NR6A1: variants seen among roughly 807,000 people sequenced by gnomAD.
The protein encoded by NR6A1 is nuclear receptor subfamily 6 group A member 1.
A neutral mutation model predicts 59.1 loss-of-function variants in NR6A1; 7 were observed. That is an observed-to-expected ratio of 0.12 (90% CI 0.07 to 0.22). The LOEUF (loss-of-function observed/expected upper bound fraction) is 0.22. Among genes scored for constraint, NR6A1 ranks in the 10% least tolerant of loss-of-function variants. NR6A1 has a pLI of 1.00. For missense variants in NR6A1, 468 were observed against 611.6 expected (o/e 0.77, Z 2.48); for synonymous variants, 243 against 236.1 (o/e 1.03, Z -0.27).
Position 124,639,708 on chromosome 9 carries a change from C to T in NR6A1, c.143-85138G>A, listed in dbSNP as rs113754451. ...GGGAAGAGTCTTTCAAGGAGGAGGGCAAATGGATCAATTATCAAATGCTGC... is the reference window on the plus strand; with the variant it reads ...GGGAAGAGTCTTTCAAGGAGGAGGGTAAATGGATCAATTATCAAATGCTGC... On this transcript the variant is annotated intron_variant, in intron 2 of 9. Transcript: ENST00000487099. 6.2e-3 allele frequency among the ~76,000 whole-genome samples: 943 copies of T among 152,186 alleles called. 2 individuals are homozygous for T. Among genetic ancestry groups the T allele is most frequent in the Non-Finnish European group, 0.01 (694 of 67,996 alleles).
At chr9:124,592,393 A>T (rs1226034146) in intron 2 of NR6A1, among the ~76,000 whole-genome samples, 1 of 152,236 alleles carries the variant, frequency 6.6e-6, no homozygotes, top group Non-Finnish European at 1.5e-5. Context: ...TGTCCATTAA[A>T]ATAATCGATT....
At chr9:124,712,073 G>A (rs969604544) in intron 2 of NR6A1, among the ~76,000 whole-genome samples, 2 of 151,960 alleles carry the variant, frequency 1.3e-5, no homozygotes, top group African/African-American at 2.4e-5. Context: ...CTTTGGTTAG[G>A]GCCTGTTGCC....
Position 124,542,125 on chromosome 9 carries a change from G to A in NR6A1, c.441+1677C>T, listed in dbSNP as rs193291135. Among the ~76,000 whole-genome samples the A allele has an allele frequency of 5.5e-3, 841 of 152,310 alleles. 4 individuals are homozygous for A. The highest frequency in any genetic ancestry group is 8.7e-3 in the Non-Finnish European group (595 of 68,030). On this transcript the variant is annotated intron_variant, in intron 4 of 9. Transcript: ENST00000487099. Reference sequence around the variant, plus strand: ...GAGTGTGTATATAGTTAACAACACTGTACTGTATAATTAAAATTTTGTTCA... The same window carrying A: ...GAGTGTGTATATAGTTAACAACACTATACTGTATAATTAAAATTTTGTTCA...
rs369367608 is a variant in NR6A1, at chr9:124,536,203, T to C, written c.825-71A>G. 2.1e-4 allele frequency: 318 copies of C among 1,541,188 alleles called. No homozygotes were observed. In the African/African-American group the frequency reaches 2.8e-3, roughly 14 times the overall value. ...TGAGGATAAGGGTACAGAGAGAAGG[T>C]AGTCCCAAGGGCACAAAGGGACCCT... On this transcript the variant is annotated intron_variant, in intron 6 of 9. Coordinates refer to ENST00000487099, the MANE Select transcript of NR6A1 (RefSeq NM_033334.4).
At chr9:124,707,364 TTCTC>T (rs1357760158) in intron 2 of NR6A1, among the ~76,000 whole-genome samples, 3 of 152,166 alleles carry the variant, frequency 2.0e-5, no homozygotes, top group African/African-American at 7.2e-5. Context: ...TCTATTGAAA[TTCTC>T]TATGTACTAG....
intron 2 of NR6A1, among the ~76,000 whole-genome samples, chr9:124,632,170 T>A (rs964247651): frequency 6.6e-6 from 1 of 152,240 alleles, no homozygotes; most frequent in Admixed American, 6.5e-5. Context: ...TTTATATTCC[T>A]TTGGAAATAT....
At chr9:124,759,215 T>C (rs1445942991) in intron 1 of NR6A1, among the ~76,000 whole-genome samples, 1 of 152,232 alleles carries the variant, frequency 6.6e-6, no homozygotes, top group Non-Finnish European at 1.5e-5. Flanking sequence ...TATATTTCTT[T>C]TGTGAGACAG....
chr9:124,758,391 C>A (rs1020920215), intron 1 of NR6A1, among the ~76,000 whole-genome samples: 1 of 152,118 alleles, frequency 6.6e-6, no homozygotes, highest in East Asian at 1.9e-4. Context: ...AAATGAAGCG[C>A]ATTTAATCTT....
intron 2 of NR6A1, among the ~76,000 whole-genome samples, chr9:124,614,045 C>A (rs1443114979): frequency 1.3e-5 from 2 of 152,138 alleles, no homozygotes; most frequent in East Asian, 1.9e-4. Context: ...TACAAATACC[C>A]ACCGAAGCCC....
chr9:124,577,683 G>C (rs945196361), intron 2 of NR6A1, among the ~76,000 whole-genome samples: 3 of 152,160 alleles, frequency 2.0e-5, no homozygotes, highest in Non-Finnish European at 4.4e-5. Flanking sequence ...CTATGTATCT[G>C]TAACACTCAG....
At chr9:124,544,001 C>A (rs148398833) in intron 3 of NR6A1, 144 bp from the exon 4 acceptor site, 2 of 693,024 alleles carry the variant, frequency 2.9e-6, no homozygotes, top group Non-Finnish European at 4.8e-6. Context: ...GGATCCAAAG[C>A]ACACAATTCT....
At chr9:124,567,012 G>A (rs927225425) in intron 2 of NR6A1, among the ~76,000 whole-genome samples, 1 of 151,222 alleles carries the variant, frequency 6.6e-6, no homozygotes, top group East Asian at 1.9e-4. Context: ...GGAGGCTGAG[G>A]CAGGAGAATG....
At chr9:124,628,519 AT>A in intron 2 of NR6A1, among the ~76,000 whole-genome samples, 1 of 151,158 alleles carries the variant, frequency 6.6e-6, no homozygotes, top group Non-Finnish European at 1.5e-5. Flanking sequence ...AATTTTTTGT[AT>A]TTTAATAGAG....
chr9:124,694,526 T>C (rs536805177), intron 2 of NR6A1, among the ~76,000 whole-genome samples: 1 of 152,164 alleles, frequency 6.6e-6, no homozygotes, highest in Non-Finnish European at 1.5e-5. Flanking sequence ...TTGCAAACCA[T>C]GTCCCTCAAA....
At chr9:124,725,392 T>TA (rs1256111866) in intron 2 of NR6A1, among the ~76,000 whole-genome samples, 64 of 145,636 alleles carry the variant, frequency 4.4e-4, no homozygotes, top group African/African-American at 6.7e-4. Context: ...TAAAGGTATT[T>TA]AAAAAAAAAG....
intron 2 of NR6A1, among the ~76,000 whole-genome samples, chr9:124,680,082 G>GTGTA (rs748763680): frequency 1.5e-3 from 214 of 141,646 alleles, no homozygotes; most frequent in African/African-American, 6.3e-3. Context: ...ATGTGTCTGT[G>GTGTA]TGTATGTATG....
chr9:124,682,028 CT>C (rs1838178775), intron 2 of NR6A1, among the ~76,000 whole-genome samples: 2 of 151,768 alleles, frequency 1.3e-5, no homozygotes, highest in Non-Finnish European at 2.9e-5. Flanking sequence ...GAGTTTTGCT[CT>C]TGTTGCCCAG....
At chr9:124,691,965 A>T (rs1459568236) in intron 2 of NR6A1, among the ~76,000 whole-genome samples, 1 of 152,258 alleles carries the variant, frequency 6.6e-6, no homozygotes, top group Non-Finnish European at 1.5e-5. Context: ...AGACAACAGA[A>T]GCAGTATGAT....
At chr9:124,677,123 A>G (rs1357474887) in intron 2 of NR6A1, among the ~76,000 whole-genome samples, 1 of 152,204 alleles carries the variant, frequency 6.6e-6, no homozygotes, top group African/African-American at 2.4e-5. Context: ...AAAAGGCCTT[A>G]GTGCTCATAA....
Sources: allele counts gnomAD v4.1 joint callset (sites outside exome capture counted in the v4.1 genomes callset), GRCh38; gene constraint gnomAD v4.1.1; transcripts MANE v1.5; gene names NCBI Gene and HGNC (gene_info 2026-07-23, HGNC 2026-07-21).